The following HORMAD2 variants were observed in gnomAD, a reference collection of about 807,000 sequenced individuals.
HORMAD2 encodes HORMA domain-containing protein 2.
A neutral mutation model predicts 38.8 loss-of-function variants in HORMAD2; 45 were observed. That is an observed-to-expected ratio of 1.16 (90% CI 0.91 to 1.49). The LOEUF (loss-of-function observed/expected upper bound fraction) is 1.49, where lower values mean the gene tolerates loss of function less well. Ranked by LOEUF, HORMAD2 falls within the 40% of genes most tolerant of loss-of-function variation. HORMAD2 has a pLI of 0.00. For synonymous variants in HORMAD2, 126 were observed against 122.8 expected (o/e 1.03, Z -0.17); for missense variants, 338 against 367.0 (o/e 0.92, Z 0.65).
intron 3 of HORMAD2, among the ~76,000 whole-genome samples, chr22:30,102,774 T>G (rs953749298): frequency 6.6e-6 from 1 of 152,138 alleles, no homozygotes; most frequent in African/African-American, 2.4e-5. Flanking sequence ...TATAGGCATG[T>G]GCCACTATGC....
chr22:30,117,883 T>G (rs1922163515), intron 7 of HORMAD2, among the ~76,000 whole-genome samples: 1 of 152,214 alleles, frequency 6.6e-6, no homozygotes, highest in Non-Finnish European at 1.5e-5. Context: ...TTTCTAGTTT[T>G]CTTAACAGTG....
At chr22:30,186,050 T>C in the HORMAD2 span, among the ~76,000 whole-genome samples, 1 of 152,134 alleles carries the variant, frequency 6.6e-6, no homozygotes, top group African/African-American at 2.4e-5. Context: ...ATCTTTTTCT[T>C]TCTTGATTTA....
At chr22:30,185,310 G>A in the HORMAD2 span, among the ~76,000 whole-genome samples, 4 of 152,200 alleles carry the variant, frequency 2.6e-5, no homozygotes, top group African/African-American at 9.7e-5. Context: ...AGCGAGCTTC[G>A]TCGGAACCTA....
chr22:30,137,897 T>C (rs1033448007), intron 10 of HORMAD2, among the ~76,000 whole-genome samples: 10 of 152,330 alleles, frequency 6.6e-5, no homozygotes, highest in Admixed American at 2.6e-4. Context: ...TAAGTTCTTT[T>C]TGAGTATCTA....
intron 10 of HORMAD2, among the ~76,000 whole-genome samples, chr22:30,165,654 G>C (rs1212582469): frequency 6.6e-6 from 1 of 151,978 alleles, no homozygotes; most frequent in East Asian, 1.9e-4. Flanking sequence ...TAGATTTGTA[G>C]TTTGGGTTTA....
At chr22:30,186,201 C>T in the HORMAD2 span, among the ~76,000 whole-genome samples, 1 of 152,112 alleles carries the variant, frequency 6.6e-6, no homozygotes, top group South Asian at 2.1e-4. Flanking sequence ...TTTGTACAGA[C>T]AGCTGGGTAA....
At chr22:30,149,653 C>T (rs967111065) in intron 10 of HORMAD2, among the ~76,000 whole-genome samples, 1 of 152,170 alleles carries the variant, frequency 6.6e-6, no homozygotes, top group African/African-American at 2.4e-5. Flanking sequence ...AATTCTTTGC[C>T]CCTCCCCTGT....
the HORMAD2 span, among the ~76,000 whole-genome samples, chr22:30,186,837 G>A: frequency 2.0e-5 from 3 of 150,080 alleles, no homozygotes; most frequent in African/African-American, 4.9e-5. Flanking sequence ...ATCAAATTGC[G>A]ATAGTATAAC....
the HORMAD2 span, among the ~76,000 whole-genome samples, chr22:30,182,159 C>A: frequency 1.4e-4 from 21 of 152,176 alleles, no homozygotes; most frequent in African/African-American, 5.1e-4. Context: ...CTCTGTTCGA[C>A]AATTTTAATG....
intron 1 of HORMAD2, 43 bp downstream of exon 1, chr22:30,080,534 C>T (rs2068451145): frequency 6.6e-6 from 1 of 152,314 alleles, no homozygotes; most frequent in Non-Finnish European, 1.5e-5. Flanking sequence ...AGAGAGGGCA[C>T]TCGGGCGTTG....
intron 6 of HORMAD2, 96 bp from the exon 7 acceptor site, chr22:30,112,400 T>C: frequency 4.6e-6 from 3 of 658,676 alleles, no homozygotes; most frequent in East Asian, 3.1e-5. Context: ...ACTCAACTAA[T>C]AGAACACAAA....
chr22:30,129,229 AAAAAAAAAAAAAAAAAAAAAAAAAAAAG>A (rs1923099451), intron 10 of HORMAD2, among the ~76,000 whole-genome samples: 1 of 63,818 alleles, frequency 1.6e-5, no homozygotes, highest in Non-Finnish European at 2.7e-5. Context: ...AAAAAAAAAA[AAAAAAAAAAAAAAAAAAAAAAAAAAAAG>A]AGAGAGAGAG....
chr22:30,121,355 A>C (rs1922413371), intron 8 of HORMAD2, among the ~76,000 whole-genome samples: 1 of 152,148 alleles, frequency 6.6e-6, no homozygotes, highest in Admixed American at 6.5e-5. Context: ...CCTAATTCCA[A>C]ATTCGTTGTT....
At chr22:30,083,369 C>T (rs908906954) in intron 1 of HORMAD2, among the ~76,000 whole-genome samples, 8 of 152,152 alleles carry the variant, frequency 5.3e-5, no homozygotes, top group Non-Finnish European at 8.8e-5. Flanking sequence ...GCAAAGTTAG[C>T]TTTCAGTTCT....
intron 3 of HORMAD2, among the ~76,000 whole-genome samples, chr22:30,099,667 AC>A (rs1474838236): frequency 6.6e-6 from 1 of 152,172 alleles, no homozygotes; most frequent in Non-Finnish European, 1.5e-5. Flanking sequence ...CGAGTGGATC[AC>A]CTGAGTTCAG....
intron 1 of HORMAD2, among the ~76,000 whole-genome samples, chr22:30,092,218 G>A (rs4823070): frequency 0.21 from 31,530 of 151,800 alleles, 3,803 homozygotes; most frequent in Middle Eastern, 0.38. Flanking sequence ...TCTAACTGTG[G>A]GGAGATGATA....
chr22:30,201,307 A>C, the HORMAD2 span, among the ~76,000 whole-genome samples: 1 of 151,910 alleles, frequency 6.6e-6, no homozygotes. Flanking sequence ...CAGCCATTGC[A>C]CTTAGGGCCT....
At position 30,093,936 on chromosome 22, in the gene HORMAD2, C is replaced by T. The variant is rs939646219; in HGVS notation, c.-17C>T. ...AATAGGTTGGACTTGTTGAAATAAT[C>T]CTGATACATTCCTACAATGGCCACT... On this transcript the variant is annotated 5_prime_UTR_variant, in exon 2 of 11. Coordinates refer to ENST00000336726, the MANE Select transcript of HORMAD2 (RefSeq NM_152510.4). 6 of 1,580,038 alleles carry T rather than the reference C, an allele frequency of 3.8e-6. No individual in the cohort carries two copies. The African/African-American group carries it at 5.4e-5, about 14-fold the overall frequency.
intron 10 of HORMAD2, among the ~76,000 whole-genome samples, chr22:30,160,622 G>A (rs1178831151): frequency 6.6e-6 from 1 of 152,248 alleles, no homozygotes; most frequent in Non-Finnish European, 1.5e-5. Flanking sequence ...ATGGTTCTGG[G>A]ATAGCAGGGA....
Sources: allele counts gnomAD v4.1 joint callset (sites outside exome capture counted in the v4.1 genomes callset), GRCh38; gene constraint gnomAD v4.1.1; transcripts MANE v1.5; gene names NCBI Gene and HGNC (gene_info 2026-07-23, HGNC 2026-07-21).